The following ULK2 variants were observed in gnomAD, a reference collection of about 807,000 sequenced individuals.
ULK2 encodes serine/threonine-protein kinase ULK2.
ULK2 carries 76 observed loss-of-function variants against 127.5 expected under a neutral mutation model. The observed-to-expected ratio is 0.60, with a 90% confidence interval of 0.50 to 0.72. The LOEUF (loss-of-function observed/expected upper bound fraction) is 0.72. Among genes scored for constraint, ULK2 ranks in the 30% least tolerant of loss-of-function variants. ULK2 has a pLI of 0.00. For missense variants in ULK2, 1,144 were observed against 1,295.9 expected (o/e 0.88, Z 1.80); for synonymous variants, 452 against 461.9 (o/e 0.98, Z 0.28).
intron 20 of ULK2, among the ~76,000 whole-genome samples, chr17:19,790,431 T>C (rs531848444): frequency 8.6e-5 from 13 of 151,854 alleles, no homozygotes; most frequent in Admixed American, 1.3e-4. Flanking sequence ...AATAAAAAAA[T>C]TGAATTAAAT....
At chr17:19,852,403 C>T (rs755212583) in intron 3 of ULK2, among the ~76,000 whole-genome samples, 14 of 150,454 alleles carry the variant, frequency 9.3e-5, no homozygotes, top group Admixed American at 2.0e-4. Context: ...CGCCTATAGC[C>T]CCAGCTACTT....
rs757051231 is a variant in ULK2, at chr17:19,816,825, A to C, written c.1020T>G (p.Ser340Arg). 2 of 1,612,230 alleles carry C rather than the reference A, an allele frequency of 1.2e-6. No homozygotes were observed. The highest frequency in any genetic ancestry group is 1.7e-6 in the Non-Finnish European group (2 of 1,179,428). ...CACAAGAAGAGTTCTTGCTACTAGT[A>C]CTGGCAGAATCTTTGGAAACTTGTA... ...NYLQVSKDSA[S>R]TSSKNSSCDT... Residue 340 changes from serine to arginine, a missense_variant, in exon 13 of 27, where the codon AGT (serine) becomes AGG (arginine). By Grantham distance (110) the Ser-to-Arg change is moderately radical. Transcript: ENST00000395544.
At chr17:19,838,413 T>G (rs756504735) in intron 10 of ULK2, 88 bp downstream of exon 10, 17 of 1,198,604 alleles carry the variant, frequency 1.4e-5, no homozygotes, top group Non-Finnish European at 2.0e-5. Context: ...AAACTGACTT[T>G]AATTTTCTGA....
chr17:19,800,840 C>A (rs1001693859), intron 16 of ULK2, among the ~76,000 whole-genome samples: 2 of 152,214 alleles, frequency 1.3e-5, no homozygotes, highest in African/African-American at 4.8e-5. Context: ...TCTCATACAG[C>A]TGCTGTAGTC....
chr17:19,824,636 G>A (rs944986277), intron 12 of ULK2, among the ~76,000 whole-genome samples: 14 of 151,972 alleles, frequency 9.2e-5, no homozygotes, highest in Admixed American at 8.5e-4. Context: ...TAAAGCGCCA[G>A]AAATCATGAT....
At chr17:19,823,575 A>G (rs915601923) in intron 12 of ULK2, among the ~76,000 whole-genome samples, 11 of 152,170 alleles carry the variant, frequency 7.2e-5, no homozygotes, top group African/African-American at 2.7e-4. Context: ...ATGGTTCATA[A>G]TAATAGCCAC....
rs1412319568 is a variant in ULK2, at chr17:19,845,291, A to C, written c.543+13T>G. On this transcript the variant is annotated intron_variant, in intron 7 of 26. Transcript: ENST00000395544. Reference sequence around the variant, plus strand: ...CATGCTTTAAACACACAAGGATGCAAACACTCACTCACCATGTACATCGGG... The same window carrying C: ...CATGCTTTAAACACACAAGGATGCACACACTCACTCACCATGTACATCGGG... 6.2e-6 allele frequency: 10 copies of C among 1,610,590 alleles called. No individual in the cohort carries two copies. The highest frequency in any genetic ancestry group is 1.7e-5 in the Admixed American group (1 of 59,918).
Position 19,816,100 on chromosome 17 carries a change from G to A in ULK2, c.1096+649C>T, listed in dbSNP as rs541103332. Among the ~76,000 whole-genome samples the A allele has an allele frequency of 3.3e-5, 5 of 152,296 alleles. No homozygotes were observed. The South Asian group carries it at 1.0e-3, about 32-fold the overall frequency. On this transcript the variant is annotated intron_variant, in intron 13 of 26. Transcript: ENST00000395544. The stretch of plus-strand genomic sequence containing the variant: ...TAAGCACTAGACGAACAACTAAAAA[G>A]ACCTGATACAAACTGCTGCACATAA...
At chr17:19,845,502 TAG>T (rs2041859789) in intron 6 of ULK2, 125 bp from the exon 7 acceptor site, 1 of 667,236 alleles carries the variant, frequency 1.5e-6, no homozygotes. Flanking sequence ...CTTATTGAAT[TAG>T]ACTGTCCACC....
intron 20 of ULK2, among the ~76,000 whole-genome samples, chr17:19,792,267 A>G (rs1283380009): frequency 6.6e-6 from 1 of 152,230 alleles, no homozygotes; most frequent in Non-Finnish European, 1.5e-5. Context: ...AAACAATACA[A>G]AAGATCAAGG....
At chr17:19,816,012 C>T (rs1419370215) in intron 13 of ULK2, among the ~76,000 whole-genome samples, 1 of 152,178 alleles carries the variant, frequency 6.6e-6, no homozygotes, top group Non-Finnish European at 1.5e-5. Flanking sequence ...TACTTAATTA[C>T]ATTCAGTTTA....
intron 3 of ULK2, among the ~76,000 whole-genome samples, chr17:19,859,410 T>C (rs914523777): frequency 1.3e-5 from 2 of 152,078 alleles, no homozygotes; most frequent in African/African-American, 4.8e-5. Flanking sequence ...TCCCAGCTAC[T>C]TGGGAGGCTG....
chr17:19,804,713 T>G lies in ULK2; in HGVS notation c.1275A>C (p.Thr425=). 6.2e-7 allele frequency: 1 copy of G among 1,608,256 alleles called. No homozygotes were observed. The highest frequency in any genetic ancestry group is 1.3e-5 in the African/African-American group (1 of 74,932). The part of the protein sequence containing the change: ...QNLTSTASSG[T]NVHGSPRSAV... ...CTTACCTTGGAGAACCATGTACATTTGTGCCTGAGCTGGCAGTAGATGTAA... is the reference window on the plus strand; with the variant it reads ...CTTACCTTGGAGAACCATGTACATTGGTGCCTGAGCTGGCAGTAGATGTAA... Residue 425 remains threonine (T), a synonymous_variant, in exon 15 of 27, where the codon ACA becomes ACC. Transcript: ENST00000395544.
At chr17:19,788,933 C>T (rs933352589) in intron 20 of ULK2, among the ~76,000 whole-genome samples, 7 of 152,152 alleles carry the variant, frequency 4.6e-5, no homozygotes, top group Admixed American at 1.3e-4. Flanking sequence ...GGATACAATA[C>T]CAGGTAGATT....
intron 10 of ULK2, among the ~76,000 whole-genome samples, 169 bp from the exon 11 acceptor site, chr17:19,826,355 A>T (rs2041296769): frequency 6.6e-6 from 1 of 151,360 alleles, no homozygotes; most frequent in South Asian, 2.1e-4. Context: ...TAAATCCTCT[A>T]TAAAATAATT....
chr17:19,804,585 A>G, intron 15 of ULK2, 108 bp downstream of exon 15: 1 of 1,210,928 alleles, frequency 8.3e-7, no homozygotes, highest in Non-Finnish European at 1.1e-6. Flanking sequence ...CCCATTATAC[A>G]CACATGTAAG....
At chr17:19,840,518 C>A (rs1325731914) in intron 9 of ULK2, 6 of 436,952 alleles carry the variant, frequency 1.4e-5, no homozygotes, top group Non-Finnish European at 2.7e-5. Context: ...CATATTAAGT[C>A]TGTCAATGAT....
At chr17:19,777,207 C>T (rs1567668965) in intron 26 of ULK2, among the ~76,000 whole-genome samples, 1 of 152,294 alleles carries the variant, frequency 6.6e-6, no homozygotes, top group East Asian at 1.9e-4. Context: ...TGGGTTCAAG[C>T]GATTCTCCTG....
chr17:19,807,778 G>A (rs905577545), intron 14 of ULK2, among the ~76,000 whole-genome samples: 1 of 152,094 alleles, frequency 6.6e-6, no homozygotes, highest in African/African-American at 2.4e-5. Flanking sequence ...GCTTATCCCC[G>A]TGGTTCCCAA....
Sources: allele counts gnomAD v4.1 joint callset (sites outside exome capture counted in the v4.1 genomes callset), GRCh38; gene constraint gnomAD v4.1.1; transcripts MANE v1.5; gene names NCBI Gene and HGNC (gene_info 2026-07-23, HGNC 2026-07-21).